Variants in SLC1A7 observed in about 807,000 individuals in gnomAD.
SLC1A7 encodes solute carrier family 1 member 7.
A neutral mutation model predicts 47.7 loss-of-function variants in SLC1A7; 40 were observed. The observed-to-expected ratio is 0.84, with a 90% CI of 0.65 to 1.09. The LOEUF (loss-of-function observed/expected upper bound fraction) is 1.09, where lower values mean the gene tolerates loss of function less well. Among genes scored for constraint, SLC1A7 ranks in the 50% least tolerant of loss-of-function variants. SLC1A7 has a pLI of 0.00. For synonymous variants in SLC1A7, 323 were observed against 325.6 expected (o/e 0.99, Z 0.09); for missense variants, 746 against 769.5 (o/e 0.97, Z 0.36).
Position 53,088,987 on chromosome 1 carries a change from G to C in SLC1A7, c.1362-8C>G. On this transcript the variant is annotated splice_polypyrimidine_tract_variant and splice_region_variant and intron_variant, in intron 9 of 10. Coordinates refer to ENST00000371494, the MANE Select transcript of SLC1A7 (RefSeq NM_006671.6). ...ATGGTGCGGAAACGGTCCCTGGTGA[G>C]CCAAGGTTGGGGGTGAGTGGTGGGC... The C allele has an allele frequency of 1.9e-6, 3 of 1,612,378 alleles. No homozygotes were observed. Among genetic ancestry groups the C allele is most frequent in the Non-Finnish European group, 2.5e-6 (3 of 1,178,516 alleles).
intron 2 of SLC1A7, among the ~76,000 whole-genome samples, chr1:53,121,063 C>T (rs193271975): frequency 3.4e-4 from 52 of 152,336 alleles, no homozygotes; most frequent in Middle Eastern, 3.4e-3. Flanking sequence ...GTGATAAGTA[C>T]GCACTGCATT....
At chr1:53,089,090 G>A (rs1644391760) in intron 9 of SLC1A7, 111 bp from the exon 10 acceptor site, 3 of 861,478 alleles carry the variant, frequency 3.5e-6, no homozygotes, top group South Asian at 1.4e-5. Context: ...GTCATGCAAA[G>A]CCTGCAGCCA....
chr1:53,100,235 C>G (rs561885347), intron 5 of SLC1A7, among the ~76,000 whole-genome samples: 2 of 150,470 alleles, frequency 1.3e-5, no homozygotes, highest in African/African-American at 4.9e-5. Context: ...ACTCATACAA[C>G]CTGCCTCGCT....
rs1644409165 is a variant in SLC1A7, at chr1:53,090,598, G to C, written c.1226+14C>G. ...CCCCCGCCCCATCCACCCAGGTGCA[G>C]TGTCAGGGTGCACCTGATGGTGATG... is the stretch of plus-strand genomic sequence containing the variant. On this transcript the variant is annotated intron_variant, in intron 8 of 10. Transcript: ENST00000371494. 6.4e-7 allele frequency: 1 copy of C among 1,564,614 alleles called. No homozygotes were observed. Among genetic ancestry groups the C allele is most frequent in the African/African-American group, 1.3e-5 (1 of 74,292 alleles).
chr1:53,112,861 G>A (rs1365063047), intron 3 of SLC1A7, among the ~76,000 whole-genome samples: 1 of 152,224 alleles, frequency 6.6e-6, no homozygotes, highest in African/African-American at 2.4e-5. Flanking sequence ...GCAGGTGAGA[G>A]ATGCGAGAGA....
At chr1:53,112,796 T>G (rs1004651252) in intron 3 of SLC1A7, among the ~76,000 whole-genome samples, 3 of 152,076 alleles carry the variant, frequency 2.0e-5, no homozygotes, top group African/African-American at 7.2e-5. Flanking sequence ...AGAGCCCTGG[T>G]CTAGGGGATG....
intron 7 of SLC1A7, 69 bp from the exon 8 acceptor site, chr1:53,090,875 C>T: frequency 1.3e-6 from 2 of 1,553,752 alleles, no homozygotes; most frequent in South Asian, 2.4e-5. Flanking sequence ...TGTCGGGAAG[C>T]TCACCCCTCC....
chr1:53,110,385 C>T (rs987298287), intron 3 of SLC1A7, among the ~76,000 whole-genome samples: 2 of 152,026 alleles, frequency 1.3e-5, no homozygotes, highest in African/African-American at 4.8e-5. Context: ...ACGGTGAGAG[C>T]GAGGCCCAAC....
chr1:53,117,359 CT>C (rs760296353), intron 2 of SLC1A7, among the ~76,000 whole-genome samples: 24 of 152,206 alleles, frequency 1.6e-4, no homozygotes, highest in Non-Finnish European at 2.6e-4. Context: ...GCAGAATTTG[CT>C]GGATGTCTAG....
chr1:53,094,040 T>C (rs1644456397), intron 5 of SLC1A7, among the ~76,000 whole-genome samples: 1 of 152,220 alleles, frequency 6.6e-6, no homozygotes, highest in Non-Finnish European at 1.5e-5. Flanking sequence ...CCCCAGGCAC[T>C]GGCTGCCCGC....
At chr1:53,108,253 G>A (rs1206468360) in intron 3 of SLC1A7, 3 of 276,084 alleles carry the variant, frequency 1.1e-5, no homozygotes, top group East Asian at 1.0e-4. Context: ...TCTTGTCCTC[G>A]GTAACCCTCT....
At chr1:53,093,695 C>T in intron 5 of SLC1A7, 135 bp from the exon 6 acceptor site, 1 of 640,244 alleles carries the variant, frequency 1.6e-6, no homozygotes. Flanking sequence ...CTCTCTCCCT[C>T]TCTCCTCCTC....
chr1:53,090,310 G>A, intron 8 of SLC1A7: 3 of 539,444 alleles, frequency 5.6e-6, no homozygotes, highest in South Asian at 2.4e-5. Flanking sequence ...GTGCTTGGCT[G>A]GGCTGTGAGG....
At chr1:53,129,544 G>A (rs940809716) in intron 2 of SLC1A7, among the ~76,000 whole-genome samples, 1 of 102,544 alleles carries the variant, frequency 9.8e-6, no homozygotes, top group Non-Finnish European at 2.2e-5. Flanking sequence ...TTGGGCCAGG[G>A]GCTGGGTTGG....
chr1:53,132,691 C>CA (rs893012723), intron 2 of SLC1A7, among the ~76,000 whole-genome samples: 1 of 151,676 alleles, frequency 6.6e-6, no homozygotes, highest in Non-Finnish European at 1.5e-5. Flanking sequence ...ACAAAAAATA[C>CA]AAAAAATAAT....
rs1553164872 is a variant in SLC1A7 at position 53,129,561 on chromosome 1, TC to T, written c.215+4788del. Among the ~76,000 whole-genome samples the T allele has an allele frequency of 9.9e-3, 1,142 of 115,182 alleles. 2 individuals are homozygous for T. Among genetic ancestry groups the T allele is most frequent in the East Asian group, 0.017 (66 of 3,882 alleles). The allele number at this position is 115,182 out of a possible 152,430, so 75.6% of individuals were successfully genotyped here. On this transcript the variant is annotated intron_variant, in intron 2 of 10. Coordinates refer to ENST00000371494, the MANE Select transcript of SLC1A7 (RefSeq NM_006671.6). Reference sequence around the variant, plus strand: ...GGGCCAGGGGCTGGGTTGGAGAAATTCTAGAAAAAAAAGAGCCCACAGCTGG... The same window carrying T: ...GGGCCAGGGGCTGGGTTGGAGAAATTTAGAAAAAAAAGAGCCCACAGCTGG...
intron 2 of SLC1A7, among the ~76,000 whole-genome samples, chr1:53,127,533 C>T (rs1644896404): frequency 6.6e-6 from 1 of 152,058 alleles, no homozygotes; most frequent in African/African-American, 2.4e-5. Flanking sequence ...TCAGGCCACC[C>T]CGATGACCCA....
chr1:53,136,396 G>T (rs1259864093), intron 1 of SLC1A7, among the ~76,000 whole-genome samples: 1 of 147,556 alleles, frequency 6.8e-6, no homozygotes, highest in Non-Finnish European at 1.5e-5. Context: ...GTTTCACCAT[G>T]TTTGCCAGGA....
rs373697976 is a variant in SLC1A7, at chr1:53,090,661, C to T, written c.1177G>A (p.Ala393Thr). Residue 393 changes from alanine to threonine, a missense_variant, in exon 8 of 11, where the codon GCC becomes ACC. Transcript: ENST00000371494. ...LYEAVAAIFIAQVNNYELDFG... is the reference protein window; with the variant it reads ...LYEAVAAIFITQVNNYELDFG... ...TCCAGCTCGTAGTTGTTGACCTGGG[C>T]GATGAAGATGGCGGCCACAGCCTCG... The T allele has an allele frequency of 1.5e-4, 248 of 1,611,240 alleles. No homozygotes were observed. Among genetic ancestry groups the T allele is most frequent in the Non-Finnish European group, 2.0e-4 (237 of 1,178,206 alleles).
Sources: gnomAD v4.1 joint callset for allele counts (sites outside exome capture counted in the v4.1 genomes callset) on GRCh38, gnomAD v4.1.1 for gene constraint, MANE v1.5 for transcripts, NCBI Gene and HGNC (gene_info 2026-07-23, HGNC 2026-07-21) for gene names.